Variants in GRK4 observed in about 807,000 individuals in gnomAD.
GRK4 encodes G protein-coupled receptor kinase 4.
Under a neutral mutation model 77.9 loss-of-function variants are expected in GRK4, and 73 were observed. The observed-to-expected ratio is 0.94, with a 90% CI of 0.78 to 1.14. GRK4 has a LOEUF of 1.14. Ranked by LOEUF, GRK4 falls within the 50% of genes most tolerant of loss-of-function variation. The pLI is 0.00. For missense variants in GRK4, 729 were observed against 700.2 expected, an observed-to-expected ratio of 1.04 and a Z score of -0.46; for synonymous variants, 257 against 254.4, an observed-to-expected ratio of 1.01 and a Z score of -0.10.
intron 1 of GRK4, chr4:2,965,880 C>T: frequency 4.8e-6 from 1 of 207,006 alleles, no homozygotes; most frequent in South Asian, 8.1e-5. Flanking sequence ...TGACTGTGAA[C>T]TCCAAATAGG....
chr4:2,999,376 T>C (rs1728890340), intron 4 of GRK4, among the ~76,000 whole-genome samples: 1 of 152,126 alleles, frequency 6.6e-6, no homozygotes, highest in African/African-American at 2.4e-5. Context: ...GTCCTCATGA[T>C]CTTATCACCT....
Position 2,992,295 on chromosome 4 carries a change from G to T in GRK4, c.339+3G>T. On this transcript the variant is annotated splice_donor_region_variant and intron_variant, in intron 4 of 15. Coordinates refer to ENST00000398052, the MANE Select transcript of GRK4 (RefSeq NM_182982.3). The stretch of plus-strand genomic sequence containing the variant: ...TAGATAGATTCTTCAATGATAAGGT[G>T]TGTTTTCTTCTTTAGAATAAAAATT... 1.3e-6 allele frequency: 2 copies of T among 1,579,942 alleles called. No individual in the cohort carries two copies. Among genetic ancestry groups the T allele is most frequent in the Non-Finnish European group, 1.7e-6 (2 of 1,149,682 alleles).
intron 4 of GRK4, among the ~76,000 whole-genome samples, chr4:3,002,954 C>T (rs1038952109): frequency 5.3e-5 from 8 of 152,174 alleles, no homozygotes; most frequent in African/African-American, 7.2e-5. Context: ...AGGTTACCAA[C>T]GTCAGCATTT....
At chr4:2,965,256 G>A (rs868168114) in intron 1 of GRK4, 13 of 702,798 alleles carry the variant, frequency 1.8e-5, no homozygotes, top group East Asian at 5.4e-5. Context: ...TCTGCATCCC[G>A]CCACAAAAGC....
intron 1 of GRK4, among the ~76,000 whole-genome samples, 170 bp downstream of exon 1, chr4:2,964,292 C>T (rs1189077051): frequency 6.6e-6 from 1 of 152,216 alleles, no homozygotes; most frequent in East Asian, 1.9e-4. Context: ...GAGCCGGGGT[C>T]TGTGCAGTGT....
rs1344867342 is a variant in GRK4 at position 3,028,005 on chromosome 4, C to T, written c.1060+4C>T. On this transcript the variant is annotated splice_donor_region_variant and intron_variant, in intron 11 of 15. Transcript: ENST00000398052. ...GTTGGAACAGTCGGCTACATGGGTT[C>T]GTGAGAGGCTTTCGGCGTCCTTGTC... 12 of 1,613,606 alleles carry T rather than the reference C, an allele frequency of 7.4e-6. No individual in the cohort carries two copies. The highest frequency in any genetic ancestry group is 1.3e-5 in the African/African-American group (1 of 75,008).
At chr4:3,001,608 C>T (rs756372106) in intron 4 of GRK4, among the ~76,000 whole-genome samples, 4 of 152,076 alleles carry the variant, frequency 2.6e-5, no homozygotes, top group Non-Finnish European at 4.4e-5. Flanking sequence ...CTCAGGTGAT[C>T]CACCCTCCTT....
chr4:2,998,639 A>C (rs1728670085), intron 4 of GRK4, among the ~76,000 whole-genome samples: 1 of 152,184 alleles, frequency 6.6e-6, no homozygotes. Context: ...TAAAATACTT[A>C]AGAATGAACG....
chr4:2,973,777 G>T (rs1026785689), intron 1 of GRK4, among the ~76,000 whole-genome samples: 1 of 152,112 alleles, frequency 6.6e-6, no homozygotes, highest in African/African-American at 2.4e-5. Context: ...CAGCCAGAGT[G>T]GTCCTATTAA....
intron 5 of GRK4, among the ~76,000 whole-genome samples, chr4:3,005,569 G>A (rs765285865): frequency 1.3e-5 from 2 of 152,098 alleles, no homozygotes; most frequent in Non-Finnish European, 2.9e-5. Flanking sequence ...TTGGGAGGCC[G>A]AGGCGGGCAG....
chr4:2,978,644 C>T lies in GRK4; in HGVS notation c.53-5869C>T, dbSNP rs557924560. On this transcript the variant is annotated intron_variant, in intron 1 of 15. Coordinates refer to ENST00000398052, the MANE Select transcript of GRK4 (RefSeq NM_182982.3). Reference sequence around the variant, plus strand: ...CAAGAGCATCTTATCTCAATTGCTGCCGTCCTAAAAAAAGTCCAGGCCAGG... The same window carrying T: ...CAAGAGCATCTTATCTCAATTGCTGTCGTCCTAAAAAAAGTCCAGGCCAGG... 1.4e-3 allele frequency among the ~76,000 whole-genome samples: 215 copies of T among 152,268 alleles called. 1 individual carries two copies. The highest frequency in any genetic ancestry group is 2.6e-3 in the Non-Finnish European group (175 of 68,018).
At chr4:3,027,587 A>T (rs1737925707) in intron 10 of GRK4, among the ~76,000 whole-genome samples, 2 of 152,164 alleles carry the variant, frequency 1.3e-5, no homozygotes, top group African/African-American at 4.8e-5. Flanking sequence ...TATTCATTAT[A>T]TTTTTATTGA....
At chr4:2,998,559 T>TATTAGCA (rs1229979355) in intron 4 of GRK4, among the ~76,000 whole-genome samples, 1 of 151,872 alleles carries the variant, frequency 6.6e-6, no homozygotes, top group Non-Finnish European at 1.5e-5. Context: ...TATTCCTATA[T>TATTAGCA]ATTAGCAATT....
Position 3,037,481 on chromosome 4 carries a change from C to T in GRK4, c.1515C>T (p.Thr505=), listed in dbSNP as rs759758392. ...AAGACTTCTATGCTCGGTTTGCTAC[C>T]GGGTGTGTCTCCATCCCCTGGCAGA... ...ADEDFYARFA[T]GCVSIPWQNE... The change falls in exon 14 of 16, where the codon ACC becomes ACT. Residue 505 remains threonine (T), a synonymous_variant. Transcript: ENST00000398052. 6.8e-6 allele frequency: 11 copies of T among 1,608,852 alleles called. No individual in the cohort carries two copies. The highest frequency in any genetic ancestry group is 5.3e-5 in the African/African-American group (4 of 74,792).
intron 9 of GRK4, among the ~76,000 whole-genome samples, chr4:3,022,010 GGGACTACA>G (rs1290518555): frequency 6.6e-6 from 1 of 152,158 alleles, no homozygotes; most frequent in Non-Finnish European, 1.5e-5. Flanking sequence ...CTGAGTAGCT[GGGACTACA>G]GGTACACACC....
chr4:2,968,789 G>C (rs573021754), intron 1 of GRK4, among the ~76,000 whole-genome samples: 9 of 152,248 alleles, frequency 5.9e-5, no homozygotes, highest in African/African-American at 2.2e-4. Flanking sequence ...TTAGACAGGG[G>C]GCTGCTGATT....
intron 1 of GRK4, among the ~76,000 whole-genome samples, chr4:2,978,447 G>A (rs1578000305): frequency 1.3e-5 from 2 of 152,170 alleles, no homozygotes; most frequent in South Asian, 4.1e-4. Context: ...CACAGCCATG[G>A]CGAGCCACAG....
At chr4:3,033,573 A>G (rs55942209) in intron 12 of GRK4, among the ~76,000 whole-genome samples, 12,389 of 152,140 alleles carry the variant, frequency 0.081, 944 homozygotes, top group African/African-American at 0.2. Context: ...GATCTGTTTT[A>G]TTAATTTATT....
rs61244885 is a variant in GRK4 at position 2,996,070 on chromosome 4, C to CT, written c.339+3790dup. Among the ~76,000 whole-genome samples, 1,452 of 146,620 alleles carry CT rather than the reference C, an allele frequency of 9.9e-3. 24 individuals carry two copies. The highest frequency in any genetic ancestry group is 0.033 in the African/African-American group (1,315 of 40,156). On this transcript the variant is annotated intron_variant, in intron 4 of 15. Coordinates refer to ENST00000398052, the MANE Select transcript of GRK4 (RefSeq NM_182982.3). ...GGGCTCACATTCCTCAGATAAAAAC[C>CT]TTTTTTTTTTTTCCCCCTTCTTAAT...
Sources: gnomAD v4.1 joint callset for allele counts (sites outside exome capture counted in the v4.1 genomes callset) on GRCh38, gnomAD v4.1.1 for gene constraint, MANE v1.5 for transcripts, NCBI Gene and HGNC (gene_info 2026-07-23, HGNC 2026-07-21) for gene names.